MIPEP: variants seen among roughly 807,000 people sequenced by gnomAD.
The protein encoded by MIPEP is mitochondrial intermediate peptidase.
Under a neutral mutation model 90.3 loss-of-function variants are expected in MIPEP, and 79 were observed. The ratio of observed to expected loss-of-function variants is 0.87; its 90% confidence interval spans 0.73 to 1.05. MIPEP has a LOEUF of 1.05. Ranked by LOEUF, MIPEP falls within the 50% of genes least tolerant of loss-of-function variation. MIPEP has a pLI of 0.00. For synonymous variants in MIPEP, 334 were observed against 315.8 expected, an observed-to-expected ratio of 1.06 and a Z score of -0.61; for missense variants, 940 against 905.6, an observed-to-expected ratio of 1.04 and a Z score of -0.49.
intron 1 of MIPEP, among the ~76,000 whole-genome samples, chr13:23,886,832 A>AATAT (rs3077102): frequency 0.19 from 28,627 of 149,480 alleles, 3,282 homozygotes; most frequent in East Asian, 0.41. Context: ...CATATATGTA[A>AATAT]ATATATATAT....
Position 23,870,177 on chromosome 13 carries a change from G to T in MIPEP, c.622C>A (p.Leu208Ile). The change falls in exon 6 of 19, where the codon CTC becomes ATC. Residue 208 changes from leucine (L) to isoleucine (I), a missense_variant. By Grantham distance (5) the Leu-to-Ile change is conservative. Transcript: ENST00000382172. Reference protein sequence around the residue: ...DKEKRKRAVDLNVKILDLSST... With the variant: ...DKEKRKRAVDINVKILDLSST... ...CTCAAATCCAAGATTTTAACATTGAGGTCCACTGCTCTTTTACGCTGTATG... is the reference window on the plus strand; with the variant it reads ...CTCAAATCCAAGATTTTAACATTGATGTCCACTGCTCTTTTACGCTGTATG... 6.2e-7 allele frequency: 1 copy of T among 1,604,242 alleles called. No individual in the cohort carries two copies. The highest frequency in any genetic ancestry group is 8.5e-7 in the Non-Finnish European group (1 of 1,175,128).
chr13:23,776,197 C>T (rs931396163), intron 16 of MIPEP, among the ~76,000 whole-genome samples: 7 of 152,034 alleles, frequency 4.6e-5, no homozygotes, highest in African/African-American at 1.7e-4. Context: ...CTCCCTATTC[C>T]CTCCCCAGTC....
intron 10 of MIPEP, among the ~76,000 whole-genome samples, chr13:23,841,823 T>C (rs1869311441): frequency 1.3e-5 from 2 of 152,206 alleles, no homozygotes; most frequent in African/African-American, 4.8e-5. Flanking sequence ...ATGCAAAATA[T>C]GATCAGTTTC....
At chr13:23,739,063 T>C (rs967588092) in intron 18 of MIPEP, among the ~76,000 whole-genome samples, 5 of 152,258 alleles carry the variant, frequency 3.3e-5, no homozygotes, top group African/African-American at 1.2e-4. Flanking sequence ...TGTAGACGAT[T>C]GTAATTTTCT....
At chr13:23,806,322 T>C (rs1312322745) in intron 15 of MIPEP, among the ~76,000 whole-genome samples, 1 of 152,164 alleles carries the variant, frequency 6.6e-6, no homozygotes, top group Non-Finnish European at 1.5e-5. Flanking sequence ...CATAAGATAC[T>C]CTTTATGTAC....
At chr13:23,885,731 T>C (rs1223191396) in intron 2 of MIPEP, among the ~76,000 whole-genome samples, 2 of 151,790 alleles carry the variant, frequency 1.3e-5, no homozygotes, top group Non-Finnish European at 2.9e-5. Flanking sequence ...AAACTTGGTT[T>C]TTAATTAAAA....
At chr13:23,853,085 T>C (rs1869875785) in intron 10 of MIPEP, among the ~76,000 whole-genome samples, 1 of 152,172 alleles carries the variant, frequency 6.6e-6, no homozygotes, top group African/African-American at 2.4e-5. Flanking sequence ...AAAAAGTTTT[T>C]AAAAACTAAA....
At chr13:23,825,581 T>C (rs1355243801) in intron 14 of MIPEP, among the ~76,000 whole-genome samples, 2 of 152,214 alleles carry the variant, frequency 1.3e-5, no homozygotes, top group Non-Finnish European at 2.9e-5. Flanking sequence ...GTTTAGGCGA[T>C]ACATATTGAG....
In MIPEP at chr13:23,878,145, T is replaced by C. The variant is rs575050169; in HGVS notation, c.539+1123A>G. On this transcript the variant is annotated intron_variant, in intron 4 of 18. Transcript: ENST00000382172. ...CTATTTTTAACATTGTTTGTTGTTATGTAAAGTCAGTACCAGTTCCGTATA... is the reference window on the plus strand; with the variant it reads ...CTATTTTTAACATTGTTTGTTGTTACGTAAAGTCAGTACCAGTTCCGTATA... Among the ~76,000 whole-genome samples, 3 of 152,360 alleles carry C rather than the reference T, an allele frequency of 2.0e-5. No homozygotes were observed. The South Asian group carries it at 6.2e-4, about 32-fold the overall frequency.
At chr13:23,745,656 A>G (rs1361680115) in intron 18 of MIPEP, among the ~76,000 whole-genome samples, 1 of 152,168 alleles carries the variant, frequency 6.6e-6, no homozygotes, top group African/African-American at 2.4e-5. Context: ...GACCAGGTGC[A>G]GTGGCTCATG....
chr13:23,781,917 T>C (rs536723054), intron 16 of MIPEP, among the ~76,000 whole-genome samples: 22 of 152,278 alleles, frequency 1.4e-4, no homozygotes, highest in African/African-American at 5.1e-4. Context: ...ATTTTAAATA[T>C]ATATGCACCC....
intron 16 of MIPEP, among the ~76,000 whole-genome samples, chr13:23,787,961 G>T (rs572709627): frequency 6.6e-6 from 1 of 152,274 alleles, no homozygotes; most frequent in South Asian, 2.1e-4. Flanking sequence ...CATGAGCGTG[G>T]CCTCTTTAAT....
At chr13:23,734,481 T>C (rs1318422717) in intron 18 of MIPEP, among the ~76,000 whole-genome samples, 1 of 152,214 alleles carries the variant, frequency 6.6e-6, no homozygotes, top group African/African-American at 2.4e-5. Context: ...CCTTTAATAA[T>C]TGAGTAAGGT....
At chr13:23,776,088 A>AC (rs999223758) in intron 16 of MIPEP, among the ~76,000 whole-genome samples, 1 of 151,722 alleles carries the variant, frequency 6.6e-6, no homozygotes, top group African/African-American at 2.4e-5. Context: ...CAATCTCTGT[A>AC]CCCCCCATCT....
At chr13:23,731,154 A>T (rs1246339270) in intron 18 of MIPEP, among the ~76,000 whole-genome samples, 3 of 152,252 alleles carry the variant, frequency 2.0e-5, no homozygotes, top group Admixed American at 6.5e-5. Flanking sequence ...AATTAACCTT[A>T]TTGCTTTAAC....
intron 16 of MIPEP, chr13:23,760,698 T>C (rs1478029678): frequency 4.5e-6 from 2 of 447,194 alleles, no homozygotes; most frequent in African/African-American, 4.0e-5. Context: ...TTAAGCCACA[T>C]AGTCTCTGGC....
At chr13:23,787,100 T>A (rs1952851024) in intron 16 of MIPEP, among the ~76,000 whole-genome samples, 1 of 152,184 alleles carries the variant, frequency 6.6e-6, no homozygotes. Flanking sequence ...GTGCAAAGTA[T>A]CCACATGTTG....
At chr13:23,771,244 C>A (rs1952647308) in intron 16 of MIPEP, among the ~76,000 whole-genome samples, 2 of 152,200 alleles carry the variant, frequency 1.3e-5, no homozygotes, top group Admixed American at 6.5e-5. Flanking sequence ...AAAGTGTGCA[C>A]TGTGCTGGTC....
At chr13:23,858,970 A>C (rs1428631134) in intron 9 of MIPEP, 58 bp from the exon 10 acceptor site, 2 of 1,423,880 alleles carry the variant, frequency 1.4e-6, no homozygotes, top group Non-Finnish European at 2.0e-6. Context: ...AGTTTTTATC[A>C]GCAACGTGGC....
Sources: gnomAD v4.1 joint callset for allele counts (sites outside exome capture counted in the v4.1 genomes callset) on GRCh38, gnomAD v4.1.1 for gene constraint, MANE v1.5 for transcripts, NCBI Gene and HGNC (gene_info 2026-07-23, HGNC 2026-07-21) for gene names.